Variants in EXOSC7 observed in about 807,000 individuals in gnomAD.
EXOSC7 encodes exosome component 7.
EXOSC7 carries 25 observed loss-of-function variants against 34.3 expected under a neutral mutation model. The observed-to-expected ratio is 0.73, with a 90% CI of 0.53 to 1.02. EXOSC7 has a LOEUF of 1.02. Among genes scored for constraint, EXOSC7 ranks in the 50% least tolerant of loss-of-function variants. The pLI is 0.00. For synonymous variants in EXOSC7, 130 were observed against 143.0 expected (o/e 0.91, Z 0.65); for missense variants, 370 against 368.5 (o/e 1.00, Z -0.03).
intron 1 of EXOSC7, among the ~76,000 whole-genome samples, chr3:44,978,190 G>T (rs956799974): frequency 6.6e-6 from 1 of 152,254 alleles, no homozygotes; most frequent in African/African-American, 2.4e-5. Context: ...CGGGCATTGT[G>T]GCTCACGCCT....
At position 45,007,525 on chromosome 3, in the gene EXOSC7, A is replaced by G; in HGVS notation, c.721A>G (p.Lys241Glu). The change falls in exon 7 of 8, where the codon AAA becomes GAA. Residue 241 changes from lysine (K) to glutamate (E), a missense_variant. By Grantham distance (56) the Lys-to-Glu change is moderately conservative (BLOSUM62 1). Around this residue, in one of 3 missense-constraint regions of EXOSC7, gnomAD observed 255 missense variants for 246.4 expected, o/e 1.03. Transcript: ENST00000265564. ...CAAGGGAGTTGTGACGTGCATGAGGAAAGTGGGGAAGGGCAGCCTGGACCC... is the reference window on the plus strand; with the variant it reads ...CAAGGGAGTTGTGACGTGCATGAGGGAAGTGGGGAAGGGCAGCCTGGACCC... ...TSKGVVTCMR[K>E]VGKGSLDPES... 2 of 1,613,678 alleles carry G rather than the reference A, an allele frequency of 1.2e-6. No individual in the cohort carries two copies. The highest frequency in any genetic ancestry group is 1.7e-6 in the Non-Finnish European group (2 of 1,179,790).
At chr3:45,010,568 T>C (rs984973708) in intron 7 of EXOSC7, among the ~76,000 whole-genome samples, 1 of 152,172 alleles carries the variant, frequency 6.6e-6, no homozygotes, top group Non-Finnish European at 1.5e-5. Context: ...TTTTTTGTTT[T>C]GTTTTGTTTT....
intron 1 of EXOSC7, among the ~76,000 whole-genome samples, chr3:44,980,483 G>A (rs747883267): frequency 2.7e-5 from 4 of 150,770 alleles, no homozygotes; most frequent in Admixed American, 2.0e-4. Flanking sequence ...AGGTTGAGTC[G>A]CTTGTCAAGG....
At chr3:44,989,089 G>T in intron 1 of EXOSC7, 51 bp from the exon 2 acceptor site, 1 of 1,262,616 alleles carries the variant, frequency 7.9e-7, no homozygotes, top group Non-Finnish European at 1.2e-6. Context: ...GTCCGTTTAG[G>T]AGTTATTGTT....
chr3:44,989,465 G>A, intron 2 of EXOSC7, 85 bp from the exon 3 acceptor site: 1 of 1,131,254 alleles, frequency 8.8e-7, no homozygotes, highest in Middle Eastern at 2.0e-4. Context: ...GAGTCCCCCA[G>A]GGGTGTATGT....
intron 1 of EXOSC7, among the ~76,000 whole-genome samples, chr3:44,988,052 T>C (rs1576007173): frequency 6.6e-6 from 1 of 152,322 alleles, no homozygotes; most frequent in Middle Eastern, 3.4e-3. Flanking sequence ...GAAGAAATAA[T>C]ACTCCAACAG....
At chr3:45,008,023 G>T (rs1172241260) in intron 7 of EXOSC7, among the ~76,000 whole-genome samples, 1 of 152,202 alleles carries the variant, frequency 6.6e-6, no homozygotes, top group East Asian at 1.9e-4. Flanking sequence ...TACAGCTCTA[G>T]AAGTGTTTAA....
At chr3:44,985,103 G>T (rs1288171602) in intron 1 of EXOSC7, among the ~76,000 whole-genome samples, 1 of 152,330 alleles carries the variant, frequency 6.6e-6, no homozygotes, top group East Asian at 1.9e-4. Flanking sequence ...CCTAGCTGGG[G>T]AGTGGGGCAC....
At chr3:45,007,615 G>C in intron 7 of EXOSC7, 40 bp downstream of exon 7, 2 of 1,539,012 alleles carry the variant, frequency 1.3e-6, no homozygotes, top group Non-Finnish European at 1.8e-6. Context: ...GGACCTGGCC[G>C]GGGTGCCTGC....
At position 44,989,138 on chromosome 3, in the gene EXOSC7, A is replaced by T; in HGVS notation, c.58-2A>T. The T allele has an allele frequency of 6.2e-7, 1 of 1,612,130 alleles. No individual in the cohort carries two copies. Among genetic ancestry groups the T allele is most frequent in the East Asian group, 2.2e-5 (1 of 44,872 alleles). ...TATAGGACTGTGGTTGTTAACACCT[A>T]GGAAGACCTCCGTGTGGATGGCCGT... On this transcript the variant is annotated splice_acceptor_variant, in intron 1 of 7. Coordinates refer to ENST00000265564, the MANE Select transcript of EXOSC7 (RefSeq NM_015004.4). LOFTEE classifies it high-confidence loss of function.
intron 5 of EXOSC7, among the ~76,000 whole-genome samples, chr3:45,003,721 C>A (rs1156807055): frequency 6.6e-6 from 1 of 152,158 alleles, no homozygotes; most frequent in Non-Finnish European, 1.5e-5. Flanking sequence ...AGAATGTTGC[C>A]AGCACCCCAG....
chr3:44,977,605 T>C (rs1269302882), intron 1 of EXOSC7, among the ~76,000 whole-genome samples: 2 of 152,244 alleles, frequency 1.3e-5, no homozygotes, highest in Non-Finnish European at 2.9e-5. Flanking sequence ...CAGGGTAACA[T>C]GTATGTTATT....
At chr3:44,984,733 T>C (rs1706362383) in intron 1 of EXOSC7, among the ~76,000 whole-genome samples, 1 of 152,240 alleles carries the variant, frequency 6.6e-6, no homozygotes, top group Non-Finnish European at 1.5e-5. Flanking sequence ...CACTATCGTA[T>C]AGGATTATTG....
chr3:44,989,178 C>T lies in EXOSC7; in HGVS notation c.96C>T (p.Tyr32=), dbSNP rs747463294. 6.8e-6 allele frequency: 11 copies of T among 1,613,978 alleles called. No individual in the cohort carries two copies. The highest frequency in any genetic ancestry group is 1.6e-4 in the Middle Eastern group (1 of 6,084). The part of the protein sequence containing the change: ...LRVDGRGCED[Y]RCVEVETDVV... ...TGGATGGCCGTGGCTGTGAGGACTA[C>T]CGATGTGTCGAAGTGGAAACTGATG... Residue 32 remains tyrosine (Y), a synonymous_variant, in exon 2 of 8, where the codon TAC becomes TAT. Transcript: ENST00000265564.
chr3:44,988,635 T>C (rs1469584920), intron 1 of EXOSC7, among the ~76,000 whole-genome samples: 1 of 152,238 alleles, frequency 6.6e-6, no homozygotes, highest in African/African-American at 2.4e-5. Context: ...TTGACCCTGT[T>C]CTAGAGACTG....
chr3:45,002,090 G>A (rs1273088574), intron 5 of EXOSC7: 1 of 153,048 alleles, frequency 6.5e-6, no homozygotes, highest in Non-Finnish European at 1.5e-5. Flanking sequence ...TTTGGTTTAA[G>A]AAGAGGAAAT....
chr3:44,986,309 CA>C (rs1254503642), intron 1 of EXOSC7, among the ~76,000 whole-genome samples: 3 of 152,244 alleles, frequency 2.0e-5, no homozygotes, highest in Admixed American at 2.0e-4. Context: ...AGAAATTGAG[CA>C]CAGCAGCTGC....
Position 45,001,626 on chromosome 3 carries a change from C to T in EXOSC7, c.491+18C>T, listed in dbSNP as rs780991594. The T allele has an allele frequency of 6.3e-7, 1 of 1,584,858 alleles. No homozygotes were observed. The highest frequency in any genetic ancestry group is 1.1e-5 in the South Asian group (1 of 90,456). On this transcript the variant is annotated intron_variant, in intron 5 of 7. Transcript: ENST00000265564. ...AATACAAGGTAAGTCTTCCTAGAAA[C>T]AGCTCTGCGAACCTGTGGAGAACCA...
intron 3 of EXOSC7, among the ~76,000 whole-genome samples, chr3:44,990,034 T>C (rs552390890): frequency 5.3e-5 from 8 of 152,330 alleles, no homozygotes; most frequent in African/African-American, 1.9e-4. Flanking sequence ...AAACTGTTCA[T>C]GATTTGCTTG....
Sources: gnomAD v4.1 joint callset for allele counts (sites outside exome capture counted in the v4.1 genomes callset) on GRCh38, gnomAD v4.1.1 for gene constraint, gnomAD v4.1.1 regional missense constraint, MANE v1.5 for transcripts, NCBI Gene and HGNC (gene_info 2026-07-23, HGNC 2026-07-21) for gene names.